The following RNLS variants were observed in gnomAD, a reference collection of about 807,000 sequenced individuals.
RNLS encodes renalase, FAD dependent amine oxidase.
In RNLS, 39 loss-of-function variants were observed where a neutral mutation model predicts 39.8. The observed-to-expected ratio is 0.98, with a 90% CI of 0.76 to 1.28. RNLS has a LOEUF of 1.28. Among genes scored for constraint, RNLS ranks in the 50% most tolerant of loss-of-function variants. RNLS has a pLI of 0.00. For missense variants in RNLS, 410 were observed against 413.3 expected, an observed-to-expected ratio of 0.99 and a Z score of 0.07; for synonymous variants, 147 against 150.7, an observed-to-expected ratio of 0.98 and a Z score of 0.18.
the RNLS span, among the ~76,000 whole-genome samples, chr10:88,264,917 A>G: frequency 2.3e-4 from 35 of 152,324 alleles, no homozygotes; most frequent in African/African-American, 7.2e-4. Context: ...GCCTAAGCCT[A>G]TGTCTAGAAG....
the RNLS span, among the ~76,000 whole-genome samples, chr10:88,241,342 G>C: frequency 2.0e-5 from 3 of 150,250 alleles, no homozygotes; most frequent in Non-Finnish European, 3.0e-5. Flanking sequence ...GCTGGTTATA[G>C]GTTTATTTAA....
At chr10:88,203,364 GTGTGTATATATATA>G in the RNLS span, among the ~76,000 whole-genome samples, 3 of 13,386 alleles carry the variant, frequency 2.2e-4, 1 homozygote, top group South Asian at 2.6e-3. Flanking sequence ...ATACGTATGT[GTGTGTATATATATA>G]TATATATACA....
At chr10:88,539,322 C>T (rs555156452) in intron 4 of RNLS, among the ~76,000 whole-genome samples, 41 of 152,092 alleles carry the variant, frequency 2.7e-4, no homozygotes, top group African/African-American at 8.0e-4. Flanking sequence ...ATTGAAAATA[C>T]TAAAAATTGG....
intron 4 of RNLS, among the ~76,000 whole-genome samples, chr10:88,568,094 T>C (rs1849616502): frequency 1.3e-5 from 2 of 152,144 alleles, no homozygotes; most frequent in Admixed American, 1.3e-4. Flanking sequence ...TGAGCCATGA[T>C]GAAAGCAGGA....
At chr10:88,328,717 T>A (rs1846838607) in intron 5 of RNLS, among the ~76,000 whole-genome samples, 2 of 152,308 alleles carry the variant, frequency 1.3e-5, no homozygotes, top group Middle Eastern at 3.4e-3. Context: ...CTTAGATTAC[T>A]AACTCTAAGT....
downstream of RNLS, among the ~76,000 whole-genome samples, chr10:88,282,478 T>TACAC (rs60829171): frequency 2.8e-3 from 397 of 143,020 alleles, 1 homozygote; most frequent in East Asian, 8.2e-3. Context: ...AAAGTGAAAA[T>TACAC]ACACACACAC....
the RNLS span, among the ~76,000 whole-genome samples, chr10:88,245,361 G>A: frequency 6.6e-6 from 1 of 152,172 alleles, no homozygotes; most frequent in African/African-American, 2.4e-5. Context: ...GCAGGGAGAG[G>A]AGAGCTAGGC....
intron 4 of RNLS, among the ~76,000 whole-genome samples, chr10:88,392,220 A>C (rs1024907045): frequency 6.6e-6 from 1 of 152,234 alleles, no homozygotes; most frequent in Non-Finnish European, 1.5e-5. Context: ...AGCTTACCAA[A>C]AGCTTAAAAG....
At chr10:88,210,490 C>A in the RNLS span, among the ~76,000 whole-genome samples, 1 of 152,164 alleles carries the variant, frequency 6.6e-6, no homozygotes. Context: ...TATTCAGAGA[C>A]GACTCATGGC....
chr10:88,225,392 C>T, the RNLS span, among the ~76,000 whole-genome samples: 1 of 152,252 alleles, frequency 6.6e-6, no homozygotes, highest in East Asian at 1.9e-4. Flanking sequence ...TCTCAATTCC[C>T]TTCTCATTAA....
chr10:88,422,397 C>A (rs1253533184), intron 4 of RNLS, among the ~76,000 whole-genome samples: 1 of 152,160 alleles, frequency 6.6e-6, no homozygotes, highest in Admixed American at 6.5e-5. Context: ...TACCTTATAG[C>A]AAATCACTAA....
rs942837060 is a variant in RNLS at position 88,473,073 on chromosome 10, G to A, written c.526+99830C>T. Reference sequence around the variant, plus strand: ...AGGTGATACAGCCTATTGCTCCTAGGCTACAAACCTGTACAGCATGTTACT... The same window carrying A: ...AGGTGATACAGCCTATTGCTCCTAGACTACAAACCTGTACAGCATGTTACT... On this transcript the variant is annotated intron_variant, in intron 4 of 6. Transcript: ENST00000331772. 5.9e-5 allele frequency among the ~76,000 whole-genome samples: 9 copies of A among 152,144 alleles called. 1 individual carries two copies. The highest frequency in any genetic ancestry group is 1.3e-4 in the Admixed American group (2 of 15,270).
chr10:88,428,407 ATT>A (rs111908126), intron 4 of RNLS, among the ~76,000 whole-genome samples: 25,079 of 151,884 alleles, frequency 0.17, 2,724 homozygotes, highest in Non-Finnish European at 0.25. Flanking sequence ...GCTGGTCTAA[ATT>A]TGATTCTGTT....
intron 4 of RNLS, among the ~76,000 whole-genome samples, chr10:88,379,492 C>G (rs1779021743): frequency 6.6e-6 from 1 of 151,856 alleles, no homozygotes; most frequent in Non-Finnish European, 1.5e-5. Flanking sequence ...ATGAATGAAC[C>G]TGGGAAGAAT....
chr10:88,384,132 A>G (rs1851718755), intron 4 of RNLS, among the ~76,000 whole-genome samples: 1 of 152,192 alleles, frequency 6.6e-6, no homozygotes, highest in African/African-American at 2.4e-5. Flanking sequence ...TGGCCTAAAA[A>G]GTCTAACATA....
intron 6 of RNLS, among the ~76,000 whole-genome samples, chr10:88,288,179 T>C (rs1165034176): frequency 6.6e-6 from 1 of 152,170 alleles, no homozygotes; most frequent in African/African-American, 2.4e-5. Context: ...AAATGCTGTA[T>C]ATGCACACCC....
At chr10:88,276,660 A>G (rs1200419698) in intron 6 of RNLS, among the ~76,000 whole-genome samples, 1 of 152,176 alleles carries the variant, frequency 6.6e-6, no homozygotes, top group Non-Finnish European at 1.5e-5. Context: ...TTATTTATCT[A>G]ATTTTATCGT....
chr10:88,512,607 T>C (rs545529966), intron 4 of RNLS, among the ~76,000 whole-genome samples: 1 of 152,280 alleles, frequency 6.6e-6, no homozygotes, highest in South Asian at 2.1e-4. Context: ...TAAGTATCTG[T>C]AAGACAGAGT....
chr10:88,493,521 T>C (rs1845001289), intron 4 of RNLS, among the ~76,000 whole-genome samples: 1 of 152,162 alleles, frequency 6.6e-6, no homozygotes, highest in South Asian at 2.1e-4. Context: ...CCTAGATAAT[T>C]TTCTAATTTG....
Sources: gnomAD v4.1 joint callset for allele counts (sites outside exome capture counted in the v4.1 genomes callset) on GRCh38, gnomAD v4.1.1 for gene constraint, MANE v1.5 for transcripts, NCBI Gene and HGNC (gene_info 2026-07-23, HGNC 2026-07-21) for gene names.